CNTNAP2: variants seen among roughly 807,000 people sequenced by gnomAD.
CNTNAP2 encodes the protein contactin associated protein 2, also known as contactin-associated protein-like 2.
In CNTNAP2, 98 loss-of-function variants were observed where a neutral mutation model predicts 155.2. The observed-to-expected ratio is 0.63, with a 90% CI of 0.54 to 0.75. The LOEUF is 0.75. CNTNAP2 is among the 30% of genes least tolerant of loss of function. The pLI is 0.00. For missense variants in CNTNAP2, 1,727 were observed against 1,688.1 expected (o/e 1.02, Z -0.40); for synonymous variants, 651 against 631.2 (o/e 1.03, Z -0.47).
At chr7:147,137,424 T>G (rs951677332) in intron 8 of CNTNAP2, among the ~76,000 whole-genome samples, 3 of 151,656 alleles carry the variant, frequency 2.0e-5, no homozygotes, top group Non-Finnish European at 3.0e-5. Flanking sequence ...TATTAACTTT[T>G]TAATATATTT....
rs113042435 is a variant in CNTNAP2 at position 146,763,874 on chromosome 7, C to T, written c.98-10397C>T. The stretch of plus-strand genomic sequence containing the variant: ...TTCTACAGCTTCACCCTTACTGGCT[C>T]TATAGCGCTCCATTTTTCACTCTGT... On this transcript the variant is annotated intron_variant, in intron 1 of 23. Coordinates refer to ENST00000361727, the MANE Select transcript of CNTNAP2 (RefSeq NM_014141.6). Among the ~76,000 whole-genome samples, 983 of 152,282 alleles carry T rather than the reference C, an allele frequency of 6.5e-3. 12 individuals are homozygous for T. The highest frequency in any genetic ancestry group is 0.022 in the African/African-American group (929 of 41,562).
intron 14 of CNTNAP2, among the ~76,000 whole-genome samples, chr7:147,914,906 C>A (rs1800133662): frequency 1.3e-5 from 2 of 152,108 alleles, no homozygotes; most frequent in South Asian, 4.1e-4. Context: ...TACATAATTT[C>A]TAGAAAATCT....
At chr7:148,047,487 T>G (rs987751358) in intron 15 of CNTNAP2, among the ~76,000 whole-genome samples, 2 of 152,142 alleles carry the variant, frequency 1.3e-5, no homozygotes, top group Non-Finnish European at 2.9e-5. Flanking sequence ...TTAGGAACAC[T>G]GGACGACACT....
intron 1 of CNTNAP2, among the ~76,000 whole-genome samples, chr7:146,356,844 T>G (rs905833584): frequency 6.6e-6 from 1 of 152,156 alleles, no homozygotes; most frequent in Non-Finnish European, 1.5e-5. Flanking sequence ...AACATTCTAC[T>G]TTCCATTTTC....
intron 1 of CNTNAP2, among the ~76,000 whole-genome samples, chr7:146,547,401 T>A (rs575292064): frequency 6.6e-6 from 1 of 152,098 alleles, no homozygotes; most frequent in African/African-American, 2.4e-5. Context: ...AAATATATAA[T>A]GCAGTAGTGC....
chr7:147,144,704 G>A (rs1280219390), intron 8 of CNTNAP2, among the ~76,000 whole-genome samples: 3 of 152,084 alleles, frequency 2.0e-5, no homozygotes, highest in Non-Finnish European at 1.5e-5. Context: ...AGAAAAAGAG[G>A]GTGTTCTATA....
At chr7:147,275,324 T>C (rs1804871003) in intron 8 of CNTNAP2, among the ~76,000 whole-genome samples, 1 of 152,052 alleles carries the variant, frequency 6.6e-6, no homozygotes, top group Non-Finnish European at 1.5e-5. Flanking sequence ...GTTTGTCTTC[T>C]ATGGTTTCTT....
Position 147,051,024 on chromosome 7 carries a change from G to A in CNTNAP2, c.550+6970G>A, listed in dbSNP as rs192681764. On this transcript the variant is annotated intron_variant, in intron 4 of 23. Transcript: ENST00000361727. ...CAAATAGTCTTCTTCTAAGGACATC[G>A]GTTATTGGAATTAGGATCTACCCTA... 5.9e-4 allele frequency among the ~76,000 whole-genome samples: 90 copies of A among 151,728 alleles called. No individual in the cohort carries two copies. In the East Asian group the frequency reaches 0.014, roughly 24 times the overall value.
chr7:147,464,108 C>G (rs1798071178), intron 10 of CNTNAP2, among the ~76,000 whole-genome samples: 1 of 151,986 alleles, frequency 6.6e-6, no homozygotes, highest in Non-Finnish European at 1.5e-5. Flanking sequence ...ATATTGTGTG[C>G]TTTCCAAGGA....
Position 146,532,387 on chromosome 7 carries a change from G to A in CNTNAP2, c.98-241884G>A, listed in dbSNP as rs189554518. Among the ~76,000 whole-genome samples, 137 of 152,196 alleles carry A rather than the reference G, an allele frequency of 9.0e-4. 1 individual carries two copies. Among genetic ancestry groups the A allele is most frequent in the Non-Finnish European group, 1.6e-3 (109 of 68,006 alleles). On this transcript the variant is annotated intron_variant, in intron 1 of 23. Transcript: ENST00000361727. ...TAAAGTTCTCTGCTTATAATTTTAT[G>A]CAGCTTATTATTAGATTTATCCACA...
intron 11 of CNTNAP2, among the ~76,000 whole-genome samples, chr7:147,556,265 T>A (rs1359052687): frequency 1.1e-5 from 1 of 92,682 alleles, no homozygotes; most frequent in Non-Finnish European, 3.0e-5. Context: ...TAAAAGTTAT[T>A]CTTTAAATAG....
At position 148,141,503 on chromosome 7, in the gene CNTNAP2, T is replaced by G. The variant is rs149396109; in HGVS notation, c.2555-5988T>G. On this transcript the variant is annotated intron_variant, in intron 16 of 23. Coordinates refer to ENST00000361727, the MANE Select transcript of CNTNAP2 (RefSeq NM_014141.6). ...TGAGTGGATTTCTCTTTTCAGAGTA[T>G]CCATGTGATCACTGTTGCCTTCCTA... is the stretch of plus-strand genomic sequence containing the variant. Among the ~76,000 whole-genome samples the G allele has an allele frequency of 1.8e-3, 277 of 152,350 alleles. 1 individual carries two copies. The highest frequency in any genetic ancestry group is 6.5e-3 in the African/African-American group (271 of 41,576).
intron 3 of CNTNAP2, among the ~76,000 whole-genome samples, chr7:146,978,801 A>G (rs537454897): frequency 6.6e-6 from 1 of 152,062 alleles, no homozygotes; most frequent in South Asian, 2.1e-4. Flanking sequence ...TGAAGATCCC[A>G]AAATAAATAA....
intron 14 of CNTNAP2, among the ~76,000 whole-genome samples, chr7:147,958,699 C>T (rs1005984115): frequency 2.0e-5 from 3 of 152,106 alleles, no homozygotes; most frequent in Admixed American, 6.6e-5. Flanking sequence ...TCTAACATAT[C>T]GTGAGCTGAA....
intron 10 of CNTNAP2, among the ~76,000 whole-genome samples, chr7:147,430,474 A>G (rs1030666560): frequency 1.3e-5 from 2 of 152,186 alleles, no homozygotes; most frequent in Non-Finnish European, 2.9e-5. Context: ...GTACATGTGC[A>G]TATATCTTTT....
chr7:147,135,864 T>C (rs1351593817), intron 8 of CNTNAP2, among the ~76,000 whole-genome samples: 2 of 151,628 alleles, frequency 1.3e-5, no homozygotes, highest in Non-Finnish European at 3.0e-5. Context: ...ACCTGCATTC[T>C]TTTTCTTATT....
chr7:147,626,238 A>G (rs1201051853), intron 12 of CNTNAP2, among the ~76,000 whole-genome samples: 3 of 152,056 alleles, frequency 2.0e-5, no homozygotes, highest in African/African-American at 7.2e-5. Flanking sequence ...GGCAGATGCA[A>G]AGGAGCAAGG....
intron 1 of CNTNAP2, among the ~76,000 whole-genome samples, chr7:146,630,086 T>C (rs894685624): frequency 6.6e-6 from 1 of 152,022 alleles, no homozygotes; most frequent in African/African-American, 2.4e-5. Flanking sequence ...ATCTAGGTTT[T>C]AAGCCCTGTG....
chr7:147,113,583 G>A (rs1469228362), intron 5 of CNTNAP2, among the ~76,000 whole-genome samples: 6 of 151,994 alleles, frequency 3.9e-5, no homozygotes, highest in Non-Finnish European at 8.8e-5. Context: ...GAGTGAAGTC[G>A]GGGAAAGCCC....
Sources: allele counts gnomAD v4.1 joint callset (sites outside exome capture counted in the v4.1 genomes callset), GRCh38; gene constraint gnomAD v4.1.1; transcripts MANE v1.5; gene names NCBI Gene and HGNC (gene_info 2026-07-23, HGNC 2026-07-21).